The following DYM variants were observed in gnomAD, a reference collection of about 807,000 sequenced individuals.
DYM encodes the protein dymeclin, also known as dyggve-Melchior-Clausen syndrome protein.
In DYM, 78 loss-of-function variants were observed where a neutral mutation model predicts 93.1. That is an observed-to-expected ratio of 0.84 (90% CI 0.70 to 1.01). DYM has a LOEUF of 1.01. DYM is among the 50% of genes least tolerant of loss of function. The pLI is 0.00. For missense variants in DYM, 789 were observed against 845.0 expected, an observed-to-expected ratio of 0.93 and a Z score of 0.82; for synonymous variants, 321 against 319.7, an observed-to-expected ratio of 1.00 and a Z score of -0.04.
intron 3 of DYM, among the ~76,000 whole-genome samples, chr18:49,382,387 A>C (rs571376361): frequency 6.6e-6 from 1 of 152,352 alleles, no homozygotes; most frequent in South Asian, 2.1e-4. Context: ...TAAGATGAAG[A>C]TTAGGGCAAT....
intron 9 of DYM, among the ~76,000 whole-genome samples, chr18:49,286,082 C>G (rs1241804914): frequency 1.3e-5 from 2 of 150,596 alleles, no homozygotes; most frequent in African/African-American, 4.9e-5. Context: ...ATTTTTAGTT[C>G]TATAAAACTC....
intron 16 of DYM, among the ~76,000 whole-genome samples, chr18:49,108,594 A>G (rs1341023441): frequency 6.6e-6 from 1 of 152,196 alleles, no homozygotes; most frequent in East Asian, 1.9e-4. Flanking sequence ...GTGGTCAAAG[A>G]ATATACTCTA....
intron 3 of DYM, among the ~76,000 whole-genome samples, chr18:49,386,411 G>A (rs1568357173): frequency 6.6e-6 from 1 of 152,296 alleles, no homozygotes; most frequent in East Asian, 1.9e-4. Context: ...AACACCATCA[G>A]TGATAAGTCA....
intron 8 of DYM, among the ~76,000 whole-genome samples, chr18:49,299,974 T>C (rs973215621): frequency 1.8e-4 from 26 of 146,992 alleles, no homozygotes; most frequent in Admixed American, 8.2e-4. Context: ...ACCCGGGAGA[T>C]GGAGCTTGCA....
Position 49,040,261 on chromosome 18 carries a change from C to T in DYM, c.*3794G>A, listed in dbSNP as rs1019035255. On this transcript the variant is annotated 3_prime_UTR_variant, in exon 18 of 18. Transcript: ENST00000675505. ...GTCCAGTTCTATGGGGCTGCTTTTC[C>T]TCTGGGGGATTTTGCTAATGCCAGA... Among the ~76,000 whole-genome samples the T allele has an allele frequency of 6.6e-6, 1 of 152,164 alleles. No individual in the cohort carries two copies. The highest frequency in any genetic ancestry group is 2.4e-5 in the African/African-American group (1 of 41,422).
At chr18:49,328,817 A>T (rs1412127976) in intron 8 of DYM, among the ~76,000 whole-genome samples, 1 of 152,144 alleles carries the variant, frequency 6.6e-6, no homozygotes, top group Admixed American at 6.5e-5. Context: ...AAATAGGAAC[A>T]CTTTTACACT....
At chr18:49,065,057 T>C (rs541261119) in intron 17 of DYM, among the ~76,000 whole-genome samples, 1 of 152,210 alleles carries the variant, frequency 6.6e-6, no homozygotes, top group South Asian at 2.1e-4. Flanking sequence ...TAAGTTATGC[T>C]TAAAAGTTAC....
chr18:49,113,895 A>C (rs1027074689), intron 16 of DYM, among the ~76,000 whole-genome samples: 6 of 152,190 alleles, frequency 3.9e-5, no homozygotes, highest in Admixed American at 1.3e-4. Flanking sequence ...TTGTTGGAAA[A>C]CCTGCTCATT....
chr18:49,261,948 C>T (rs1285127525), intron 11 of DYM, among the ~76,000 whole-genome samples: 2 of 150,362 alleles, frequency 1.3e-5, no homozygotes, highest in African/African-American at 4.8e-5. Context: ...AACCAGCATT[C>T]CTTTGTGTGT....
At chr18:49,083,104 C>G (rs1244216257) in intron 17 of DYM, among the ~76,000 whole-genome samples, 2 of 152,134 alleles carry the variant, frequency 1.3e-5, no homozygotes, top group Non-Finnish European at 2.9e-5. Flanking sequence ...ATCTTTGTCA[C>G]AACTACTTGA....
chr18:49,365,721 C>T (rs1183270508), intron 5 of DYM, among the ~76,000 whole-genome samples: 1 of 152,172 alleles, frequency 6.6e-6, no homozygotes, highest in Non-Finnish European at 1.5e-5. Flanking sequence ...CCTGTTCAGC[C>T]AAGCAGCCAG....
intron 8 of DYM, among the ~76,000 whole-genome samples, chr18:49,290,169 C>A (rs1599164479): frequency 6.7e-6 from 1 of 149,360 alleles, no homozygotes. Flanking sequence ...ATAATGTAAA[C>A]AACATATAAA....
intron 8 of DYM, among the ~76,000 whole-genome samples, chr18:49,309,241 A>C (rs926647537): frequency 6.6e-6 from 1 of 152,206 alleles, no homozygotes; most frequent in African/African-American, 2.4e-5. Context: ...GGTCAACCTA[A>C]GTAGAAGGCT....
intron 1 of DYM, among the ~76,000 whole-genome samples, chr18:49,435,402 C>G (rs1345153249): frequency 7.5e-6 from 1 of 133,572 alleles, no homozygotes; most frequent in East Asian, 2.1e-4. Context: ...ATTACAAACT[C>G]TAGGGTAAAC....
intron 8 of DYM, among the ~76,000 whole-genome samples, chr18:49,313,240 C>A (rs953329232): frequency 1.3e-5 from 2 of 151,692 alleles, no homozygotes; most frequent in Non-Finnish European, 2.9e-5. Flanking sequence ...CCGAGGCAGG[C>A]GGATCACGAG....
At chr18:49,175,210 T>C (rs2145351784) in intron 14 of DYM, among the ~76,000 whole-genome samples, 1 of 152,328 alleles carries the variant, frequency 6.6e-6, no homozygotes, top group Non-Finnish European at 1.5e-5. Context: ...TTGGACAGTG[T>C]TCTGCGCACA....
chr18:49,423,308 A>G (rs1397315403), intron 2 of DYM, among the ~76,000 whole-genome samples: 1 of 152,182 alleles, frequency 6.6e-6, no homozygotes, highest in East Asian at 1.9e-4. Flanking sequence ...GGTACATAAC[A>G]AAAGGAAGGC....
In DYM at chr18:49,064,270, T is replaced by C. The variant is rs575135148; in HGVS notation, c.2026-20066A>G. On this transcript the variant is annotated intron_variant, in intron 17 of 17. Coordinates refer to ENST00000675505, the MANE Select transcript of DYM (RefSeq NM_001353214.3). ...GATTCGAGTTTGGAAATATAAATTT[T>C]CTGATTTCAAAATGGGATGCTTCAT... Among the ~76,000 whole-genome samples the C allele has an allele frequency of 1.5e-4, 23 of 152,340 alleles. 1 individual carries two copies. In the South Asian group the frequency reaches 4.8e-3, roughly 32 times the overall value.
intron 13 of DYM, among the ~76,000 whole-genome samples, chr18:49,246,801 C>T (rs186646144): frequency 3.3e-5 from 5 of 152,280 alleles, no homozygotes; most frequent in African/African-American, 1.2e-4. Context: ...TCCTTTGCTT[C>T]TTCTAAGATA....
Sources: gnomAD v4.1 joint callset for allele counts (sites outside exome capture counted in the v4.1 genomes callset) on GRCh38, gnomAD v4.1.1 for gene constraint, MANE v1.5 for transcripts, NCBI Gene and HGNC (gene_info 2026-07-23, HGNC 2026-07-21) for gene names.